RBFOX1: variants seen among roughly 807,000 people sequenced by gnomAD.
RBFOX1 encodes the protein RNA binding fox-1 homolog 1.
Under a neutral mutation model 57.7 loss-of-function variants are expected in RBFOX1, and 8 were observed. The observed-to-expected ratio is 0.14, with a 90% CI of 0.08 to 0.25. RBFOX1 has a LOEUF of 0.25. RBFOX1 is among the 10% of genes least tolerant of loss of function. RBFOX1 has a pLI of 1.00. For missense variants in RBFOX1, 611 were observed against 548.5 expected (o/e 1.11, Z -1.14); for synonymous variants, 326 against 222.4 (o/e 1.47, Z -4.15).
chr16:6,644,290 A>G (rs566136711), intron 2 of RBFOX1, among the ~76,000 whole-genome samples: 18 of 152,358 alleles, frequency 1.2e-4, no homozygotes, highest in Middle Eastern at 3.4e-3. Flanking sequence ...TTTGCAAAGG[A>G]GACCATCTGT....
chr16:5,971,442 T>G (rs1472748485), intron 4 of RBFOX1, among the ~76,000 whole-genome samples: 4 of 152,190 alleles, frequency 2.6e-5, no homozygotes, highest in African/African-American at 7.2e-5. Flanking sequence ...GGAGGTAATT[T>G]GTTTTTGTTT....
chr16:6,808,088 A>G (rs925724408), intron 3 of RBFOX1, among the ~76,000 whole-genome samples: 1 of 150,576 alleles, frequency 6.6e-6, no homozygotes, highest in African/African-American at 2.4e-5. Context: ...ATCATACTCA[A>G]TAGAACTAGA....
chr16:6,423,806 C>T (rs2093843377), intron 2 of RBFOX1, among the ~76,000 whole-genome samples: 1 of 152,034 alleles, frequency 6.6e-6, no homozygotes, highest in Non-Finnish European at 1.5e-5. Context: ...GGCCATGGTC[C>T]AGAGGGAATC....
intron 2 of RBFOX1, among the ~76,000 whole-genome samples, chr16:6,564,904 G>A (rs2097237563): frequency 6.6e-6 from 1 of 152,118 alleles, no homozygotes; most frequent in South Asian, 2.1e-4. Context: ...ACTTTGAGAG[G>A]CTAAGGTGGG....
intron 2 of RBFOX1, among the ~76,000 whole-genome samples, chr16:6,388,083 G>A (rs1262531579): frequency 6.7e-6 from 1 of 148,650 alleles, no homozygotes; most frequent in Non-Finnish European, 1.5e-5. Flanking sequence ...GGGTTCAAGC[G>A]ATTCTTCTGC....
chr16:7,478,017 G>A (rs1164404848), intron 4 of RBFOX1, among the ~76,000 whole-genome samples: 1 of 152,192 alleles, frequency 6.6e-6, no homozygotes, highest in East Asian at 1.9e-4. Context: ...TCTCTACACT[G>A]TTTTAAAGCC....
At chr16:7,351,064 G>A (rs116304155) in intron 4 of RBFOX1, among the ~76,000 whole-genome samples, 43 of 152,254 alleles carry the variant, frequency 2.8e-4, no homozygotes, top group African/African-American at 1.0e-3. Flanking sequence ...TTCTGTCTTC[G>A]GGATGGCTGG....
intron 1 of RBFOX1, among the ~76,000 whole-genome samples, chr16:6,063,490 C>G (rs913113899): frequency 9.3e-6 from 1 of 107,774 alleles, no homozygotes; most frequent in Non-Finnish European, 2.0e-5. Context: ...CACACACACA[C>G]ACACACACAC....
intron 1 of RBFOX1, among the ~76,000 whole-genome samples, chr16:5,275,359 C>G (rs894865768): frequency 2.0e-5 from 3 of 152,124 alleles, no homozygotes; most frequent in African/African-American, 4.8e-5. Context: ...TATCAGGATA[C>G]AAAATCTATG....
rs571883949 is a variant in RBFOX1 at position 5,545,814 on chromosome 16, G to A, written c.259-53088G>A. Among the ~76,000 whole-genome samples the A allele has an allele frequency of 1.2e-4, 19 of 152,222 alleles. No homozygotes were observed. The South Asian group carries it at 3.1e-3, about 25-fold the overall frequency. Reference sequence around the variant, plus strand: ...CTGCTCTTATCACTTTTTTCACACTGTAGTGGAATAAGTCACTTTAATAAG... The same window carrying A: ...CTGCTCTTATCACTTTTTTCACACTATAGTGGAATAAGTCACTTTAATAAG... On this transcript the variant is annotated intron_variant, in intron 2 of 2. Transcript: ENST00000585867.
chr16:7,472,425 T>G (rs571499894), intron 4 of RBFOX1, among the ~76,000 whole-genome samples: 2 of 152,254 alleles, frequency 1.3e-5, no homozygotes, highest in African/African-American at 4.8e-5. Context: ...CATTTGGAAG[T>G]CAATTCTTTC....
chr16:6,779,468 C>A (rs1415187468), intron 3 of RBFOX1, among the ~76,000 whole-genome samples: 1 of 151,664 alleles, frequency 6.6e-6, no homozygotes, highest in South Asian at 2.1e-4. Flanking sequence ...AAGAGTACTA[C>A]AATAAACATG....
intron 2 of RBFOX1, among the ~76,000 whole-genome samples, chr16:5,467,514 G>C (rs949092789): frequency 1.4e-4 from 21 of 152,110 alleles, no homozygotes; most frequent in African/African-American, 5.1e-4. Flanking sequence ...GGGGTAGGCA[G>C]GCAGTTAAAC....
intron 2 of RBFOX1, among the ~76,000 whole-genome samples, chr16:6,591,570 T>C (rs988747373): frequency 1.3e-5 from 2 of 152,180 alleles, no homozygotes; most frequent in African/African-American, 2.4e-5. Context: ...GAGGAGACCA[T>C]TTATGCACTG....
intron 5 of RBFOX1, among the ~76,000 whole-genome samples, chr16:7,520,143 C>A (rs2077225444): frequency 6.6e-6 from 1 of 152,078 alleles, no homozygotes; most frequent in South Asian, 2.1e-4. Flanking sequence ...TCTCGGCCTC[C>A]CAAAGTGCTG....
intron 3 of RBFOX1, among the ~76,000 whole-genome samples, chr16:6,934,338 A>G (rs191203064): frequency 6.6e-6 from 1 of 152,190 alleles, no homozygotes; most frequent in Non-Finnish European, 1.5e-5. Flanking sequence ...TCAATACAGA[A>G]TACGTATTTA....
At chr16:5,937,797 C>G (rs958721046) in intron 4 of RBFOX1, among the ~76,000 whole-genome samples, 1 of 147,974 alleles carries the variant, frequency 6.8e-6, no homozygotes, top group Non-Finnish European at 1.5e-5. Context: ...AAATATATAC[C>G]TATATAAATT....
At chr16:7,263,478 C>G (rs574863490) in intron 4 of RBFOX1, among the ~76,000 whole-genome samples, 3 of 152,126 alleles carry the variant, frequency 2.0e-5, no homozygotes, top group Admixed American at 6.5e-5. Context: ...CCAATTTAAA[C>G]CAGTGTCTCT....
At chr16:6,958,153 G>A (rs2082254467) in intron 3 of RBFOX1, among the ~76,000 whole-genome samples, 1 of 152,120 alleles carries the variant, frequency 6.6e-6, no homozygotes, top group Non-Finnish European at 1.5e-5. Flanking sequence ...GCAAGGGGAG[G>A]GGAAAGTTAA....
Sources: allele counts gnomAD v4.1 joint callset (sites outside exome capture counted in the v4.1 genomes callset), GRCh38; gene constraint gnomAD v4.1.1; transcripts MANE v1.5; gene names NCBI Gene and HGNC (gene_info 2026-07-23, HGNC 2026-07-21).